MAPK13: variants seen among roughly 807,000 people sequenced by gnomAD.
MAPK13 encodes mitogen-activated protein kinase 13.
MAPK13 carries 39 observed loss-of-function variants against 53.5 expected under a neutral mutation model. That is an observed-to-expected ratio of 0.73 (90% CI 0.56 to 0.95). MAPK13 has a LOEUF of 0.95. Ranked by LOEUF, MAPK13 falls within the 40% of genes least tolerant of loss-of-function variation. The pLI is 0.00. For synonymous variants in MAPK13, 179 were observed against 190.9 expected (o/e 0.94, Z 0.51); for missense variants, 460 against 471.8 (o/e 0.98, Z 0.23).
intron 3 of MAPK13, among the ~76,000 whole-genome samples, chr6:36,135,519 C>T (rs1313607525): frequency 6.6e-6 from 1 of 152,220 alleles, no homozygotes; most frequent in Non-Finnish European, 1.5e-5. Flanking sequence ...TGAGCGCGCT[C>T]CAACTGCAGC....
rs1446203124 is a variant in MAPK13, at chr6:36,130,721, G to A, written c.119+20G>A. 9.9e-7 allele frequency: 1 copy of A among 1,010,406 alleles called. No individual in the cohort carries two copies. Among genetic ancestry groups the A allele is most frequent in the Non-Finnish European group, 1.3e-6 (1 of 748,924 alleles). The allele number at this position is 1,010,406 out of a possible 1,614,324, so 62.6% of individuals were successfully genotyped here. A position where few individuals can be genotyped will look rare whatever the true frequency, so the allele number is the denominator to read the frequency against. On this transcript the variant is annotated intron_variant, in intron 1 of 11. Transcript: ENST00000211287. The surrounding 1 kb of genome is among the most constrained non-coding windows in gnomAD (Gnocchi z 4.5). ...CGTGTGGTGAGACCCCTGGGCCGCT[G>A]GGGGGCGGGGGGCGGGCGCCAGGCT...
intron 9 of MAPK13, 84 bp downstream of exon 9, chr6:36,138,528 A>G (rs1314427845): frequency 4.3e-6 from 6 of 1,409,888 alleles, no homozygotes; most frequent in African/African-American, 2.8e-5. Flanking sequence ...TTTGTGGAAG[A>G]AGGCTCACCA....
At chr6:36,138,142 A>G (rs941047352) in intron 8 of MAPK13, among the ~76,000 whole-genome samples, 1 of 152,070 alleles carries the variant, frequency 6.6e-6, no homozygotes, top group Non-Finnish European at 1.5e-5. Flanking sequence ...GTCCACATCC[A>G]TTTGTTGGGT....
In MAPK13 at chr6:36,138,955, C is replaced by T. The variant is rs1201445205; in HGVS notation, c.918C>T (p.Pro306=). 1 of 1,613,954 alleles carries T rather than the reference C, an allele frequency of 6.2e-7. No individual in the cohort carries two copies. Among genetic ancestry groups the T allele is most frequent in the Admixed American group, 1.7e-5 (1 of 59,946 alleles). Residue 306 remains proline (P), a synonymous_variant, in exon 11 of 12, where the codon CCC becomes CCT. Transcript: ENST00000211287. The part of the protein sequence containing the change: ...RLTAAQALTH[P]FFEPFRDPEE... ...CGGCCGCGCAGGCCCTCACCCATCCCTTCTTTGAACCCTTCCGGGACCCTG... is the reference window on the plus strand; with the variant it reads ...CGGCCGCGCAGGCCCTCACCCATCCTTTCTTTGAACCCTTCCGGGACCCTG...
At chr6:36,139,237 T>G in intron 11 of MAPK13, 57 bp from the exon 12 acceptor site, 1 of 1,530,356 alleles carries the variant, frequency 6.5e-7, no homozygotes, top group Non-Finnish European at 9.0e-7. Context: ...TGAAGGGGGG[T>G]GGACTTTCTC....
intron 1 of MAPK13, chr6:36,131,059 G>A: frequency 1.8e-6 from 1 of 564,640 alleles, no homozygotes; most frequent in Non-Finnish European, 3.1e-6. Flanking sequence ...GGATCCCGTC[G>A]CAATGAGACG....
In MAPK13 at chr6:36,138,383, A is replaced by C. The variant is rs767764804; in HGVS notation, c.701A>C (p.Gln234Pro). Residue 234 changes from glutamine to proline, a missense_variant, in exon 9 of 12, where the codon CAG becomes CCG. Gln to Pro is a moderately conservative substitution (Grantham distance 76). Coordinates refer to ENST00000211287, the MANE Select transcript of MAPK13 (RefSeq NM_002754.5). ...CACCAAGACCTGGACCAGCTGACCC[A>C]GATCCTGAAAGTGACCGGGGTGCCT... ...KGKDYLDQLT[Q>P]ILKVTGVPGT... is the part of the protein sequence containing the mutation. 6.2e-7 allele frequency: 1 copy of C among 1,614,028 alleles called. No homozygotes were observed. The highest frequency in any genetic ancestry group is 1.1e-5 in the South Asian group (1 of 91,060).
chr6:36,142,805 C>A lies in MAPK13; in HGVS notation c.*3432C>A, dbSNP rs1198321884. ...TCCGGAATTAAACCTCAGCCCCTCCCACAGAGTTTTCTCAAATCTGTGAAG... is the reference window on the plus strand; with the variant it reads ...TCCGGAATTAAACCTCAGCCCCTCCAACAGAGTTTTCTCAAATCTGTGAAG... On this transcript the variant is annotated 3_prime_UTR_variant, in exon 12 of 12. Transcript: ENST00000211287. The surrounding 1 kb of genome is among the most constrained non-coding windows in gnomAD (Gnocchi z 4.4). The A allele has an allele frequency of 6.6e-6, 1 of 152,202 alleles. No individual in the cohort carries two copies. The highest frequency in any genetic ancestry group is 6.5e-5 in the Admixed American group (1 of 15,274). 9.4% of individuals were successfully genotyped at this position (152,202 alleles called of 1,614,324 possible).
chr6:36,135,019 A>G (rs1766389312), intron 3 of MAPK13, among the ~76,000 whole-genome samples: 3 of 152,334 alleles, frequency 2.0e-5, no homozygotes, highest in Non-Finnish European at 2.9e-5. Flanking sequence ...CATCTCAAAG[A>G]AAAAAAGAAA....
chr6:36,131,461 C>A, intron 2 of MAPK13, 61 bp downstream of exon 2: 2 of 1,522,724 alleles, frequency 1.3e-6, no homozygotes, highest in East Asian at 2.3e-5. Flanking sequence ...GGGGCAGGCG[C>A]AGGCGGGGCC....
At position 36,136,964 on chromosome 6, in the gene MAPK13, G is replaced by C; in HGVS notation, c.682+14G>C. ...AGGGGAAAGATTGTATCCTTTGCTG[G>C]AAAAGCCAAACTCCATCTAGGGATT... On this transcript the variant is annotated intron_variant, in intron 8 of 11. Transcript: ENST00000211287. 1 of 1,611,498 alleles carries C rather than the reference G, an allele frequency of 6.2e-7. No homozygotes were observed. The highest frequency in any genetic ancestry group is 1.1e-5 in the South Asian group (1 of 90,896).
At chr6:36,134,150 A>G (rs888909347) in intron 3 of MAPK13, among the ~76,000 whole-genome samples, 3 of 152,252 alleles carry the variant, frequency 2.0e-5, no homozygotes, top group African/African-American at 7.2e-5. Flanking sequence ...TAGCACAGAG[A>G]GGCTTCAGGA....
intron 8 of MAPK13, among the ~76,000 whole-genome samples, chr6:36,137,638 A>G (rs1214861860): frequency 1.3e-5 from 2 of 148,308 alleles, no homozygotes; most frequent in African/African-American, 5.0e-5. Flanking sequence ...TGACAGAGGG[A>G]GACCCTAACT....
Position 36,136,769 on chromosome 6 carries a change from A to G in MAPK13, c.609A>G (p.Thr203=). 6.2e-7 allele frequency: 1 copy of G among 1,613,972 alleles called. No homozygotes were observed. The highest frequency in any genetic ancestry group is 2.2e-5 in the East Asian group (1 of 44,886). The change falls in exon 7 of 12, where the codon ACA becomes ACG. Residue 203 remains threonine (T), a splice_region_variant and synonymous_variant. Coordinates refer to ENST00000211287, the MANE Select transcript of MAPK13 (RefSeq NM_002754.5). Reference sequence around the variant, plus strand: ...TCAGCTGGATGCACTACAACCAGACAGGTCAGTGGTCAATGCCTGAGAGGG... The same window carrying G: ...TCAGCTGGATGCACTACAACCAGACGGGTCAGTGGTCAATGCCTGAGAGGG... The part of the protein sequence containing the change: ...VILSWMHYNQ[T]VDIWSVGCIM...
intron 1 of MAPK13, 134 bp from the exon 2 acceptor site, chr6:36,131,137 C>A: frequency 2.8e-6 from 3 of 1,062,858 alleles, no homozygotes; most frequent in African/African-American, 1.6e-5. Flanking sequence ...CCCTGCGTCC[C>A]GCGGCTCCCC....
rs181586702 is a variant in MAPK13 at position 36,138,460 on chromosome 6, G to A, written c.762+16G>A. 2.5e-6 allele frequency: 4 copies of A among 1,612,290 alleles called. No homozygotes were observed. The African/African-American group carries it at 4.0e-5, about 16-fold the overall frequency. On this transcript the variant is annotated intron_variant, in intron 9 of 11. Coordinates refer to ENST00000211287, the MANE Select transcript of MAPK13 (RefSeq NM_002754.5). ...CGACAAAGCGGTGGGTGGTAAATGG[G>A]ACCTAGGCTGGCCTGGGCTGTGTGC...
rs555172649 is a variant in MAPK13, at chr6:36,139,006, G to A, written c.969G>A (p.Pro323=). 1.7e-5 allele frequency: 27 copies of A among 1,613,044 alleles called. No individual in the cohort carries two copies. The highest frequency in any genetic ancestry group is 7.7e-5 in the South Asian group (7 of 90,974). ...AGGAAGAGACGGAGGCCCAGCAGCC[G>A]TTTGATGATTCCTTAGAACACGAGA... is the stretch of plus-strand genomic sequence containing the variant. ...DPEEETEAQQ[P]FDDSLEHEKL... is the part of the protein sequence containing the mutation. The change falls in exon 11 of 12, where the codon CCG becomes CCA. Residue 323 remains proline, a synonymous_variant. Coordinates refer to ENST00000211287, the MANE Select transcript of MAPK13 (RefSeq NM_002754.5).
At chr6:36,138,577 C>A in intron 9 of MAPK13, 125 bp from the exon 10 acceptor site, 1 of 1,274,066 alleles carries the variant, frequency 7.8e-7, no homozygotes, top group Non-Finnish European at 1.1e-6. Context: ...GGCAGGCACT[C>A]TTGTCTTAAT....
chr6:36,136,390 G>A (rs1766417060), intron 5 of MAPK13, 94 bp from the exon 6 acceptor site: 9 of 1,076,824 alleles, frequency 8.4e-6, no homozygotes, highest in Non-Finnish European at 1.2e-5. Flanking sequence ...AAGGGGAAGG[G>A]GCCTGGCTGA....
Sources: allele counts gnomAD v4.1 joint callset (sites outside exome capture counted in the v4.1 genomes callset), GRCh38; gene constraint gnomAD v4.1.1; non-coding constraint Gnocchi (gnomAD v3.1); transcripts MANE v1.5; gene names NCBI Gene and HGNC (gene_info 2026-07-23, HGNC 2026-07-21).